Variants in FAN1 observed in about 807,000 individuals in gnomAD.
FAN1 encodes fanconi-associated nuclease 1.
Under a neutral mutation model 104.9 loss-of-function variants are expected in FAN1, and 91 were observed. That is an observed-to-expected ratio of 0.87 (90% CI 0.73 to 1.03). The LOEUF is 1.03. Ranked by LOEUF, FAN1 falls within the 50% of genes least tolerant of loss-of-function variation. The pLI, the probability that FAN1 is intolerant of heterozygous loss-of-function variation, is 0.00. For missense variants in FAN1, 1,263 were observed against 1,239.9 expected, an observed-to-expected ratio of 1.02 and a Z score of -0.28; for synonymous variants, 478 against 457.6, an observed-to-expected ratio of 1.04 and a Z score of -0.57.
chr15:30,927,041 G>T lies in FAN1; in HGVS notation c.2488+1102G>T, dbSNP rs149644949. ...GGAGTTAAGGAACGAACCAGGCACG[G>T]TAGCTTACACTTGTAATCCCAGCAC... On this transcript the variant is annotated intron_variant, in intron 10 of 14. Transcript: ENST00000362065. The T allele has an allele frequency of 3.0e-5, 30 of 984,532 alleles. No individual in the cohort carries two copies. The East Asian group carries it at 3.1e-3, about 101-fold the overall frequency. 61.0% of individuals were successfully genotyped at this position (984,532 alleles called of 1,614,324 possible).
At chr15:30,911,974 A>G (rs899483809) in intron 4 of FAN1, among the ~76,000 whole-genome samples, 1 of 151,750 alleles carries the variant, frequency 6.6e-6, no homozygotes, top group Admixed American at 6.6e-5. Context: ...AGTCAGGAGA[A>G]TTGCCTGAAC....
chr15:30,905,183 G>A lies in FAN1; in HGVS notation c.520G>A (p.Glu174Lys). 6.2e-7 allele frequency: 1 copy of A among 1,613,686 alleles called. No individual in the cohort carries two copies. Among genetic ancestry groups the A allele is most frequent in the Non-Finnish European group, 8.5e-7 (1 of 1,179,926 alleles). ...GGCTAAAAAATCAATAGATAAGGAT[G>A]AAGAATTTGCCGGTTCTAGTCCACA... ...VKAKKSIDKD[E>K]EFAGSSPQSS... The change falls in exon 2 of 15, where the codon GAA becomes AAA. Residue 174 changes from glutamate to lysine, a missense_variant. Physicochemically the swap from Glu to Lys is moderately conservative, Grantham distance 56 (BLOSUM62 1). Around this residue, in one of 2 missense-constraint regions of FAN1, gnomAD observed 682 missense variants for 571.1 expected, o/e 1.19. Coordinates refer to ENST00000362065, the MANE Select transcript of FAN1 (RefSeq NM_014967.5).
At position 30,908,146 on chromosome 15, in the gene FAN1, C is replaced by T. The variant is rs2062022623; in HGVS notation, c.1263C>T (p.Leu421=). 1.9e-6 allele frequency: 3 copies of T among 1,610,600 alleles called. No homozygotes were observed. The highest frequency in any genetic ancestry group is 2.2e-5 in the East Asian group (1 of 44,850). Residue 421 remains leucine (L), a synonymous_variant, in exon 3 of 15, where the codon CTC becomes CTT. Coordinates refer to ENST00000362065, the MANE Select transcript of FAN1 (RefSeq NM_014967.5). ...SATGQKLYVR[L]FQRKLSWIKM... is the part of the protein sequence containing the mutation. ...CTGGTCAGAAGTTATATGTAAGGCT[C>T]TTTCAACGTAAATTAAGCTGGATTA...
chr15:30,907,561 AAAC>A (rs565613062), intron 2 of FAN1, among the ~76,000 whole-genome samples: 403 of 152,258 alleles, frequency 2.6e-3, no homozygotes, highest in Non-Finnish European at 4.7e-3. Flanking sequence ...CAACCAAAAA[AAAC>A]AACACCAGCA....
rs148943915 is a variant in FAN1, at chr15:30,915,023, A to G, written c.1811+932A>G. Among the ~76,000 whole-genome samples, 1,305 of 152,276 alleles carry G rather than the reference A, an allele frequency of 8.6e-3. 4 individuals carry two copies. The highest frequency in any genetic ancestry group is 0.014 in the Non-Finnish European group (982 of 68,026). On this transcript the variant is annotated intron_variant, in intron 5 of 14. Coordinates refer to ENST00000362065, the MANE Select transcript of FAN1 (RefSeq NM_014967.5). ...TGTACTCCCATGTCTATTGCAGTCTATTCACAATAGCCAAGATAGGGAGTC... is the reference window on the plus strand; with the variant it reads ...TGTACTCCCATGTCTATTGCAGTCTGTTCACAATAGCCAAGATAGGGAGTC...
At position 30,930,563 on chromosome 15, in the gene FAN1, G is replaced by A. The variant is rs761858317; in HGVS notation, c.2808G>A (p.Gly936=). 12 of 1,599,804 alleles carry A rather than the reference G, an allele frequency of 7.5e-6. No individual in the cohort carries two copies. The highest frequency in any genetic ancestry group is 2.2e-5 in the South Asian group (2 of 89,210). Residue 936 remains glycine (G), a synonymous_variant, in exon 13 of 15, where the codon GGG becomes GGA. Coordinates refer to ENST00000362065, the MANE Select transcript of FAN1 (RefSeq NM_014967.5). ...QQAQDLVSCL[G]GPVLSGVCRH... The stretch of plus-strand genomic sequence containing the variant: ...TTCAGGATCTTGTCTCCTGCCTGGG[G>A]GGCCCTGTGCTCAGTGGTGTGTGCA...
At chr15:30,936,029 C>G (rs1404472273) in intron 13 of FAN1, among the ~76,000 whole-genome samples, 1 of 150,388 alleles carries the variant, frequency 6.6e-6, no homozygotes, top group African/African-American at 2.4e-5. Context: ...ATTTTTTTTT[C>G]TCGTTCCTTT....
At chr15:30,919,273 G>A (rs1320293046) in intron 6 of FAN1, among the ~76,000 whole-genome samples, 1 of 151,290 alleles carries the variant, frequency 6.6e-6, no homozygotes, top group Non-Finnish European at 1.5e-5. Flanking sequence ...CCAGCTACTC[G>A]GGAGGCTGAG....
At chr15:30,929,561 A>AT (rs2062563494) in intron 12 of FAN1, among the ~76,000 whole-genome samples, 164 bp downstream of exon 12, 1 of 128,814 alleles carries the variant, frequency 7.8e-6, no homozygotes, top group African/African-American at 3.0e-5. Context: ...AATATATATT[A>AT]TATCTTTATT....
intron 10 of FAN1, chr15:30,927,108 C>T (rs558286222): frequency 1.9e-5 from 18 of 924,454 alleles, no homozygotes; most frequent in Admixed American, 6.2e-5. Context: ...ACTCTGAAGA[C>T]GGAGGTGGGA....
rs2061931437 is a variant in FAN1 at position 30,904,700 on chromosome 15, C to T, written c.37C>T (p.Pro13Ser). 1 of 1,605,890 alleles carries T rather than the reference C, an allele frequency of 6.2e-7. No individual in the cohort carries two copies. The highest frequency in any genetic ancestry group is 2.2e-5 in the East Asian group (1 of 44,772). ...AGGGAAACCTCCTGACAAAAAAAGG[C>T]CTCGTAGAAGCTTATCAATCAGCAA... ...SEGKPPDKKR[P>S]RRSLSISKNK... The change falls in exon 2 of 15, where the codon CCT (proline) becomes TCT (serine). Residue 13 changes from proline (P) to serine (S), a missense_variant. Transcript: ENST00000362065.
rs143294144 is a variant in FAN1 at position 30,904,668 on chromosome 15, T to C, written c.5T>C (p.Met2Thr). ...CATCCAGTTTTTCTAATACTCATGA[T>C]GTCAGAAGGGAAACCTCCTGACAAA... The part of the protein sequence containing the change: M[M>T]SEGKPPDKKR... Residue 2 changes from methionine to threonine, a missense_variant, in exon 2 of 15, where the codon ATG (methionine) becomes ACG (threonine). Coordinates refer to ENST00000362065, the MANE Select transcript of FAN1 (RefSeq NM_014967.5). 142 of 1,608,356 alleles carry C rather than the reference T, an allele frequency of 8.8e-5. No individual in the cohort carries two copies. The African/African-American group carries it at 1.7e-3, about 20-fold the overall frequency.
rs1407379508 is a variant in FAN1, at chr15:30,912,182, C to A, written c.1577+1367C>A. Among the ~76,000 whole-genome samples, 3 of 152,112 alleles carry A rather than the reference C, an allele frequency of 2.0e-5. No individual in the cohort carries two copies. In the East Asian group the frequency reaches 5.8e-4, roughly 29 times the overall value. On this transcript the variant is annotated intron_variant, in intron 4 of 14. Transcript: ENST00000362065. ...TGGACTTGTAGGAAAATAGAATCCTCAAGGCTGTTTTAGTTCTAGTGAAAA... is the reference window on the plus strand; with the variant it reads ...TGGACTTGTAGGAAAATAGAATCCTAAAGGCTGTTTTAGTTCTAGTGAAAA...
chr15:30,924,833 G>T (rs1479314361), intron 8 of FAN1, among the ~76,000 whole-genome samples: 1 of 152,120 alleles, frequency 6.6e-6, no homozygotes, highest in Admixed American at 6.5e-5. Flanking sequence ...GTAAAGTCAG[G>T]TACCCCTGAG....
At chr15:30,940,655 A>T (rs751651724) in intron 14 of FAN1, 14 of 986,496 alleles carry the variant, frequency 1.4e-5, no homozygotes, top group Non-Finnish European at 1.7e-5. Flanking sequence ...TCAGCACCCC[A>T]GAGGCCACTC....
intron 14 of FAN1, chr15:30,940,322 C>T (rs2062998411): frequency 1.0e-6 from 1 of 985,392 alleles, no homozygotes; most frequent in South Asian, 4.7e-5. Context: ...TGTGTCTGCT[C>T]ATTCTCCTCA....
Position 30,916,235 on chromosome 15 carries a change from G to A in FAN1, c.1812-1929G>A, listed in dbSNP as rs377070507. Among the ~76,000 whole-genome samples the A allele has an allele frequency of 5.9e-5, 9 of 152,226 alleles. No individual in the cohort carries two copies. In the South Asian group the frequency reaches 1.9e-3, roughly 32 times the overall value. On this transcript the variant is annotated intron_variant, in intron 5 of 14. Coordinates refer to ENST00000362065, the MANE Select transcript of FAN1 (RefSeq NM_014967.5). ...GGCTTGTGAGAATGTATACTCTGAA[G>A]CCAAGTTCCAGTTTCTATACCAATG...
chr15:30,917,629 C>T (rs1294579285), intron 5 of FAN1, among the ~76,000 whole-genome samples: 1 of 152,124 alleles, frequency 6.6e-6, no homozygotes, highest in Non-Finnish European at 1.5e-5. Context: ...GCTAAAGGAG[C>T]GATGAAAAAT....
intron 2 of FAN1, among the ~76,000 whole-genome samples, chr15:30,906,865 C>A (rs1471789139): frequency 6.6e-6 from 1 of 152,162 alleles, no homozygotes; most frequent in Non-Finnish European, 1.5e-5. Context: ...GCTTTTCTAT[C>A]CAAACTAGTC....
Sources: allele counts gnomAD v4.1 joint callset (sites outside exome capture counted in the v4.1 genomes callset), GRCh38; gene constraint gnomAD v4.1.1; regional missense constraint gnomAD v4.1.1; transcripts MANE v1.5; gene names NCBI Gene and HGNC (gene_info 2026-07-23, HGNC 2026-07-21).